PRSS27: variants seen among roughly 807,000 people sequenced by gnomAD.
PRSS27 encodes serine protease 27.
Under a neutral mutation model 32.0 loss-of-function variants are expected in PRSS27, and 25 were observed. The ratio of observed to expected loss-of-function variants is 0.78; its 90% CI spans 0.57 to 1.09. PRSS27 has a LOEUF of 1.09. Ranked by LOEUF, PRSS27 falls within the 50% of genes least tolerant of loss-of-function variation. The pLI, the probability that PRSS27 is intolerant of heterozygous loss-of-function variation, is 0.00. For missense variants in PRSS27, 401 were observed against 394.9 expected (o/e 1.02, Z -0.13); for synonymous variants, 178 against 172.2 (o/e 1.03, Z -0.26).
At position 2,716,841 on chromosome 16, in the gene PRSS27, T is replaced by A. The variant is rs59027602; in HGVS notation, c.47-315A>T. ...TGTCCCCTTCTCATCCTGGAAAGGG[T>A]CCTCTCCCTCCACACTCCACACCCA... On this transcript the variant is annotated intron_variant, in intron 1 of 5. Coordinates refer to ENST00000302641, the MANE Select transcript of PRSS27 (RefSeq NM_031948.5). 4,093 of 451,232 alleles carry A rather than the reference T, an allele frequency of 9.1e-3. 149 individuals carry two copies. Among genetic ancestry groups the A allele is most frequent in the African/African-American group, 0.07 (3,606 of 51,448 alleles). The allele number at this position is 451,232 out of a possible 1,614,324, so 28.0% of individuals were successfully genotyped here.
At chr16:2,715,909 C>T (rs1363522185) in intron 2 of PRSS27, 29 bp from the exon 3 acceptor site, 5 of 1,525,650 alleles carry the variant, frequency 3.3e-6, no homozygotes, top group African/African-American at 1.4e-5. Context: ...CGGGTGGGGG[C>T]GCTCACTGGG....
rs115875530 is a variant in PRSS27 at position 2,716,974 on chromosome 16, C to G, written c.47-448G>C. 682 of 186,596 alleles carry G rather than the reference C, an allele frequency of 3.7e-3. 6 individuals are homozygous for G. Among genetic ancestry groups the G allele is most frequent in the African/African-American group, 0.015 (657 of 43,622 alleles). 11.6% of individuals were successfully genotyped at this position (186,596 alleles called of 1,614,324 possible). ...AGCGGAAGAGGCCCGGGAGCTGTCT[C>G]TACATTTGAGCTGCCCAGGGCTCTC... On this transcript the variant is annotated intron_variant, in intron 1 of 5. Transcript: ENST00000302641.
chr16:2,716,932 C>T (rs980015299), intron 1 of PRSS27: 4 of 235,480 alleles, frequency 1.7e-5, no homozygotes, highest in Non-Finnish European at 2.6e-5. Context: ...TTGGCCTTTC[C>T]TCCCGGAACA....
chr16:2,719,846 G>A (rs529487755), intron 1 of PRSS27, among the ~76,000 whole-genome samples: 1 of 152,274 alleles, frequency 6.6e-6, no homozygotes, highest in South Asian at 2.1e-4. Context: ...ACCAGTGCCC[G>A]CGGAGAGGCA....
chr16:2,713,999 G>A (rs2067683523), intron 4 of PRSS27, 66 bp downstream of exon 4: 1 of 1,499,848 alleles, frequency 6.7e-7, no homozygotes, highest in South Asian at 1.3e-5. Flanking sequence ...GTTCAGAGTG[G>A]TCCCCAAGCC....
chr16:2,720,063 C>T (rs1567201667), intron 1 of PRSS27, 52 bp downstream of exon 1: 7 of 1,512,918 alleles, frequency 4.6e-6, no homozygotes, highest in Admixed American at 1.9e-5. Context: ...GGCAGTGCAG[C>T]GGAGCCTGGT....
At chr16:2,719,562 G>T (rs1022954713) in intron 1 of PRSS27, among the ~76,000 whole-genome samples, 1 of 152,162 alleles carries the variant, frequency 6.6e-6, no homozygotes, top group Non-Finnish European at 1.5e-5. Flanking sequence ...GGGCACGGTG[G>T]CGCATCACCG....
Position 2,712,527 on chromosome 16 carries a change from G to A in PRSS27, c.*93C>T. The A allele has an allele frequency of 1.8e-6, 2 of 1,087,510 alleles. No homozygotes were observed. The highest frequency in any genetic ancestry group is 2.6e-6 in the Non-Finnish European group (2 of 757,808). The allele number at this position is 1,087,510 out of a possible 1,614,324, so 67.4% of individuals were successfully genotyped here. On this transcript the variant is annotated 3_prime_UTR_variant, in exon 6 of 6. Transcript: ENST00000302641. This position sits in a 1 kb window ranked among gnomAD's most constrained non-coding sequence, Gnocchi z 4.6. ...CAAATGAGTCTGGTGGGGCTCACAG[G>A]TGCAACAGCAGCGCTGGGAGGACCA...
At position 2,713,576 on chromosome 16, in the gene PRSS27, C is replaced by T. The variant is rs1436811640; in HGVS notation, c.631G>A (p.Asp211Asn). 5 of 1,614,236 alleles carry T rather than the reference C, an allele frequency of 3.1e-6. No homozygotes were observed. Among genetic ancestry groups the T allele is most frequent in the Non-Finnish European group, 4.2e-6 (5 of 1,180,044 alleles). The change falls in exon 5 of 6, where the codon GAC becomes AAC. Residue 211 changes from aspartate (D) to asparagine (N), a missense_variant. By Grantham distance (23) the Asp-to-Asn change is conservative. Coordinates refer to ENST00000302641, the MANE Select transcript of PRSS27 (RefSeq NM_031948.5). ...TCCTCGAAGCCGGCGCACAGCATGT[C>T]ATTCTTGATGGTTTTGGGTTGGTAG... ...FGYQPKTIKN[D>N]MLCAGFEEGK...
rs79679322 is a variant in PRSS27, at chr16:2,714,081, G to A, written c.492C>T (p.Gly164=). ...TGMNCWVTGW[G]SPSEEDLLPE... ...TCCCCTTACCTTCCTCACTGGGGCT[G>A]CCCCAGCCAGTGACCCAGCAGTTCA... The change falls in exon 4 of 6, where the codon GGC becomes GGT. Residue 164 remains glycine, a synonymous_variant. Coordinates refer to ENST00000302641, the MANE Select transcript of PRSS27 (RefSeq NM_031948.5). The surrounding 1 kb of genome is among the most constrained non-coding windows in gnomAD (Gnocchi z 4.7). 2.7e-5 allele frequency: 44 copies of A among 1,610,604 alleles called. No individual in the cohort carries two copies. Among genetic ancestry groups the A allele is most frequent in the East Asian group, 2.2e-5 (1 of 44,874 alleles).
At chr16:2,716,862 A>C in intron 1 of PRSS27, 1 of 374,278 alleles carries the variant, frequency 2.7e-6, no homozygotes, top group Non-Finnish European at 5.0e-6. Context: ...CACACTCCAC[A>C]CCCATCCTTG....
At chr16:2,715,610 G>T in intron 3 of PRSS27, 108 bp downstream of exon 3, 1 of 839,036 alleles carries the variant, frequency 1.2e-6, no homozygotes, top group South Asian at 1.9e-5. Context: ...AGCCCCCAGG[G>T]AGGTCACCCG....
Position 2,715,669 on chromosome 16 carries a change from G to A in PRSS27, c.236+49C>T, listed in dbSNP as rs746084312. ...GTCCACGGTGCTGAACCGGTCGCGC[G>A]CGGGGCGCTGTCAGCGCTATGGGCG... On this transcript the variant is annotated intron_variant, in intron 3 of 5. Coordinates refer to ENST00000302641, the MANE Select transcript of PRSS27 (RefSeq NM_031948.5). The A allele has an allele frequency of 4.0e-6, 6 of 1,486,202 alleles. No homozygotes were observed. In the Admixed American group the frequency reaches 6.1e-5, roughly 15 times the overall value. The allele number at this position is 1,486,202 out of a possible 1,614,324, so 92.1% of individuals were successfully genotyped here.
Position 2,714,484 on chromosome 16 carries a change from A to C in PRSS27, c.237-148T>G, listed in dbSNP as rs1567199943. 6 of 876,758 alleles carry C rather than the reference A, an allele frequency of 6.8e-6. No individual in the cohort carries two copies. The East Asian group carries it at 1.6e-4, about 23-fold the overall frequency. 54.3% of individuals were successfully genotyped at this position (876,758 alleles called of 1,614,324 possible). A position where few individuals can be genotyped will look rare whatever the true frequency, so the allele number is the denominator to read the frequency against. On this transcript the variant is annotated intron_variant, in intron 3 of 5. Coordinates refer to ENST00000302641, the MANE Select transcript of PRSS27 (RefSeq NM_031948.5). This position sits in a 1 kb window ranked among gnomAD's most constrained non-coding sequence, Gnocchi z 4.7. ...AGTCATCTCTAGGACAGCCAGGTGC[A>C]GCGGTGATGCGTGTTGACATTGAAG...
At chr16:2,718,254 G>C (rs1275027788) in intron 1 of PRSS27, 2 of 151,244 alleles carry the variant, frequency 1.3e-5, no homozygotes, top group Admixed American at 6.6e-5. Context: ...TGGTCTCTGA[G>C]TGCTTGCTCC....
Position 2,715,710 on chromosome 16 carries a change from G to A in PRSS27, c.236+8C>T. On this transcript the variant is annotated splice_region_variant and intron_variant, in intron 3 of 5. Coordinates refer to ENST00000302641, the MANE Select transcript of PRSS27 (RefSeq NM_031948.5). ...GCTATGGGCGGGGGCAGGGGCGGGC[G>A]GACTCACTTGCGGAAGCAGTGCGCA... 2 of 1,519,932 alleles carry A rather than the reference G, an allele frequency of 1.3e-6. No homozygotes were observed. The highest frequency in any genetic ancestry group is 1.3e-5 in the South Asian group (1 of 79,216). The allele number at this position is 1,519,932 out of a possible 1,614,324, so 94.2% of individuals were successfully genotyped here. A position where few individuals can be genotyped will look rare whatever the true frequency, so the allele number is the denominator to read the frequency against.
At chr16:2,718,749 T>A (rs2067717586) in intron 1 of PRSS27, among the ~76,000 whole-genome samples, 1 of 152,192 alleles carries the variant, frequency 6.6e-6, no homozygotes, top group Non-Finnish European at 1.5e-5. Context: ...TGATGGGAGC[T>A]CTGTCTACAT....
In PRSS27 at chr16:2,714,460, G is replaced by A; in HGVS notation, c.237-124C>T. ...CTCTCTCTGCACAATGTCTTCGAGA[G>A]TCATCTCTAGGACAGCCAGGTGCAG... On this transcript the variant is annotated intron_variant, in intron 3 of 5. Coordinates refer to ENST00000302641, the MANE Select transcript of PRSS27 (RefSeq NM_031948.5). This position sits in a 1 kb window ranked among gnomAD's most constrained non-coding sequence, Gnocchi z 4.7. 1 of 1,122,390 alleles carries A rather than the reference G, an allele frequency of 8.9e-7. No individual in the cohort carries two copies. Among genetic ancestry groups the A allele is most frequent in the Non-Finnish European group, 1.3e-6 (1 of 779,368 alleles). 69.5% of individuals were successfully genotyped at this position (1,122,390 alleles called of 1,614,324 possible). A position where few individuals can be genotyped will look rare whatever the true frequency, so the allele number is the denominator to read the frequency against.
intron 2 of PRSS27, 71 bp downstream of exon 2, chr16:2,716,429 C>A: frequency 1.4e-6 from 2 of 1,427,392 alleles, no homozygotes; most frequent in South Asian, 2.4e-5. Flanking sequence ...CAAATTCCCT[C>A]TGGCCATGAG....
Sources: gnomAD v4.1 joint callset for allele counts (sites outside exome capture counted in the v4.1 genomes callset) on GRCh38, gnomAD v4.1.1 for gene constraint, Gnocchi (gnomAD v3.1) non-coding constraint, MANE v1.5 for transcripts, NCBI Gene and HGNC (gene_info 2026-07-23, HGNC 2026-07-21) for gene names.